Variants in ZNF536 observed in about 807,000 individuals in gnomAD.
ZNF536 encodes the protein zinc finger protein 536.
ZNF536 carries 13 observed loss-of-function variants against 84.5 expected under a neutral mutation model. That is an observed-to-expected ratio of 0.15 (90% CI 0.10 to 0.24). The LOEUF (loss-of-function observed/expected upper bound fraction) is 0.24. Ranked by LOEUF, ZNF536 falls within the 10% of genes least tolerant of loss-of-function variation. The pLI, the probability that ZNF536 is intolerant of heterozygous loss-of-function variation, is 1.00. For missense variants in ZNF536, 1,536 were observed against 1,747.5 expected (o/e 0.88, Z 2.16); for synonymous variants, 811 against 742.5 (o/e 1.09, Z -1.50).
At chr19:30,677,158 G>C (rs1204951086) in intron 1 of ZNF536, among the ~76,000 whole-genome samples, 2 of 152,188 alleles carry the variant, frequency 1.3e-5, no homozygotes, top group African/African-American at 4.8e-5. Flanking sequence ...CTGGGCTGCC[G>C]CAATCTCCCT....
Position 30,548,897 on chromosome 19 carries a change from G to C in ZNF536, c.3278G>C (p.Ser1093Thr), listed in dbSNP as rs1483358999. Residue 1093 changes from serine to threonine, a missense_variant, in exon 4 of 5, where the codon AGC (serine) becomes ACC (threonine). By Grantham distance (58) the Ser-to-Thr change is moderately conservative (BLOSUM62 1). Coordinates refer to ENST00000355537, the MANE Select transcript of ZNF536 (RefSeq NM_014717.3). ...QLKETLGEQK[S>T]GAWTGHVDPA... Reference sequence around the variant, plus strand: ...AAGGAGACTCTGGGAGAGCAGAAGAGCGGTGCATGGACCGGCCACGTGGAC... The same window carrying C: ...AAGGAGACTCTGGGAGAGCAGAAGACCGGTGCATGGACCGGCCACGTGGAC... The C allele has an allele frequency of 6.2e-7, 1 of 1,614,174 alleles. No homozygotes were observed.
intron 1 of ZNF536, among the ~76,000 whole-genome samples, chr19:30,630,002 T>G (rs1049105654): frequency 1.3e-5 from 2 of 152,190 alleles, no homozygotes; most frequent in Non-Finnish European, 2.9e-5. Flanking sequence ...GGGAGGGCAT[T>G]GGGCACAGCT....
At chr19:30,433,775 G>T (rs978779615) in intron 1 of ZNF536, among the ~76,000 whole-genome samples, 1 of 152,114 alleles carries the variant, frequency 6.6e-6, no homozygotes, top group Non-Finnish European at 1.5e-5. Flanking sequence ...GGGATTACAG[G>T]CGTGAGCCAC....
At chr19:30,394,313 C>T (rs1031357213) in intron 1 of ZNF536, among the ~76,000 whole-genome samples, 1 of 152,212 alleles carries the variant, frequency 6.6e-6, no homozygotes, top group African/African-American at 2.4e-5. Context: ...TGAACCCTTA[C>T]ACATTGGGTA....
chr19:30,552,716 T>C (rs1273612655), intron 4 of ZNF536, among the ~76,000 whole-genome samples: 2 of 152,274 alleles, frequency 1.3e-5, no homozygotes, highest in African/African-American at 4.8e-5. Context: ...TAACAGCCAA[T>C]GGATTCCTAA....
intron 2 of ZNF536, among the ~76,000 whole-genome samples, chr19:30,507,952 A>T (rs1246616566): frequency 1.3e-5 from 2 of 152,110 alleles, no homozygotes; most frequent in Admixed American, 1.3e-4. Flanking sequence ...TCCCCACGAG[A>T]CTTCAAGATC....
At chr19:30,658,586 AC>A (rs1252982055) in intron 1 of ZNF536, among the ~76,000 whole-genome samples, 13 of 152,098 alleles carry the variant, frequency 8.5e-5, no homozygotes, top group African/African-American at 3.1e-4. Context: ...TGCCTGGCCA[AC>A]TTTTTCTCAT....
At chr19:30,632,618 T>TCAAC (rs200733978) in intron 1 of ZNF536, among the ~76,000 whole-genome samples, 2,024 of 143,982 alleles carry the variant, frequency 0.014, 45 homozygotes, top group African/African-American at 0.049. Context: ...AACCAACCAA[T>TCAAC]CAACCAACCA....
intron 2 of ZNF536, among the ~76,000 whole-genome samples, chr19:30,534,266 A>C (rs2044977628): frequency 6.6e-6 from 1 of 152,244 alleles, no homozygotes; most frequent in South Asian, 2.1e-4. Context: ...TCACATTTCC[A>C]TACTTTTTCT....
At chr19:30,476,176 T>G (rs2053837867) in intron 2 of ZNF536, among the ~76,000 whole-genome samples, 2 of 152,170 alleles carry the variant, frequency 1.3e-5, no homozygotes, top group Non-Finnish European at 2.9e-5. Context: ...GGACTGGGGC[T>G]TCTCCCACCT....
chr19:30,249,289 C>A (rs1277454918), intron 1 of ZNF536, among the ~76,000 whole-genome samples: 1 of 141,730 alleles, frequency 7.1e-6, no homozygotes. Context: ...ATTACTAACA[C>A]TAATGTTAGT....
At chr19:30,529,805 A>T (rs921712962) in intron 2 of ZNF536, among the ~76,000 whole-genome samples, 4 of 152,058 alleles carry the variant, frequency 2.6e-5, no homozygotes, top group Non-Finnish European at 5.9e-5. Flanking sequence ...ACTTCAACAC[A>T]TTTGCTCTTG....
intron 2 of ZNF536, among the ~76,000 whole-genome samples, chr19:30,490,149 G>A (rs942903612): frequency 3.3e-5 from 5 of 151,992 alleles, no homozygotes; most frequent in African/African-American, 1.2e-4. Context: ...GAGGATAAAA[G>A]CCATTGCTAA....
At chr19:30,435,801 A>T (rs2051720442) in intron 1 of ZNF536, among the ~76,000 whole-genome samples, 1 of 151,476 alleles carries the variant, frequency 6.6e-6, no homozygotes, top group South Asian at 2.1e-4. Context: ...TGACAGGAGA[A>T]CCCCTTTGTT....
At chr19:30,290,056 C>T (rs1439568707) in intron 2 of ZNF536, among the ~76,000 whole-genome samples, 1 of 152,146 alleles carries the variant, frequency 6.6e-6, no homozygotes, top group Non-Finnish European at 1.5e-5. Flanking sequence ...GTCGTGGCAT[C>T]CACTATGCAC....
intron 1 of ZNF536, among the ~76,000 whole-genome samples, chr19:30,620,905 G>A (rs1035842851): frequency 6.6e-6 from 1 of 151,900 alleles, no homozygotes; most frequent in African/African-American, 2.4e-5. Flanking sequence ...TGATGGAAAA[G>A]ATTTGTGTCA....
Position 30,233,559 on chromosome 19 carries a change from G to A in ZNF536, c.-190+4886G>A, listed in dbSNP as rs2023242643. 2.0e-5 allele frequency among the ~76,000 whole-genome samples: 3 copies of A among 151,766 alleles called. No individual in the cohort carries two copies. The South Asian group carries it at 6.2e-4, about 32-fold the overall frequency. On this transcript the variant is annotated intron_variant, in intron 1 of 5. Transcript: ENST00000585628. ...GATGGGGTCTTGCTATGTTGCCCAG[G>A]CTGGTTGCAAACCCCTGGCCTCAGG...
chr19:30,263,334 C>T (rs1398182478), intron 1 of ZNF536, among the ~76,000 whole-genome samples: 1 of 152,112 alleles, frequency 6.6e-6, no homozygotes. Flanking sequence ...GAACCCGGAG[C>T]CCCTACAGAA....
intron 1 of ZNF536, among the ~76,000 whole-genome samples, chr19:30,411,508 T>G (rs1348337944): frequency 3.3e-5 from 5 of 152,162 alleles, no homozygotes; most frequent in Non-Finnish European, 7.4e-5. Context: ...TTAAAACTTT[T>G]TGTGTGAAGT....
Sources: allele counts gnomAD v4.1 joint callset (sites outside exome capture counted in the v4.1 genomes callset), GRCh38; gene constraint gnomAD v4.1.1; transcripts MANE v1.5; gene names NCBI Gene and HGNC (gene_info 2026-07-23, HGNC 2026-07-21).